Variants in IMMT observed in about 807,000 individuals in gnomAD.
IMMT encodes the protein inner membrane mitochondrial protein, also known as MICOS complex subunit MIC60.
IMMT carries 40 observed loss-of-function variants against 92.7 expected under a neutral mutation model. That is an observed-to-expected ratio of 0.43 (90% CI 0.34 to 0.56). The LOEUF is 0.56. IMMT is among the 20% of genes least tolerant of loss of function. The pLI is 0.03. For missense variants in IMMT, 831 were observed against 912.1 expected (o/e 0.91, Z 1.14); for synonymous variants, 322 against 336.1 (o/e 0.96, Z 0.46).
rs56964046 is a variant in IMMT at position 86,164,689 on chromosome 2, C to CAAAAAAAAAAAAAAAAAA, written c.792+1818_792+1819insTTTTTTTTTTTTTTTTTT. On this transcript the variant is annotated intron_variant, in intron 7 of 14. Transcript: ENST00000410111. ...CTGGTGACAGAGCAAGACTCTGTCT[C>CAAAAAAAAAAAAAAAAAA]AAAAAAAAAAAAAAAGGAATGGATG... Among the ~76,000 whole-genome samples, 41 of 111,396 alleles carry CAAAAAAAAAAAAAAAAAA rather than the reference C, an allele frequency of 3.7e-4. 4 individuals carry two copies. Among genetic ancestry groups the CAAAAAAAAAAAAAAAAAA allele is most frequent in the African/African-American group, 1.5e-3 (40 of 27,424 alleles). 73.1% of individuals were successfully genotyped at this position (111,396 alleles called of 152,430 possible). A position where few individuals can be genotyped will look rare whatever the true frequency, so the allele number is the denominator to read the frequency against.
chr2:86,153,529 A>G (rs1340913354), intron 11 of IMMT, 31 bp downstream of exon 11: 2 of 1,357,294 alleles, frequency 1.5e-6, no homozygotes, highest in Non-Finnish European at 2.0e-6. Context: ...AAAACAAAAG[A>G]CTTTAAACAT....
chr2:86,158,864 C>G (rs1208916314), intron 9 of IMMT, 143 bp from the exon 10 acceptor site: 1 of 701,488 alleles, frequency 1.4e-6, no homozygotes, highest in Admixed American at 2.8e-5. Flanking sequence ...AGAATATAAG[C>G]CTTATTTGTT....
chr2:86,179,114 C>G (rs559742765), intron 3 of IMMT, among the ~76,000 whole-genome samples: 3 of 152,272 alleles, frequency 2.0e-5, no homozygotes, highest in African/African-American at 4.8e-5. Context: ...CTGTACTAAA[C>G]ATGGACAGAC....
chr2:86,166,748 A>G, intron 6 of IMMT, 104 bp from the exon 7 acceptor site: 1 of 1,137,098 alleles, frequency 8.8e-7, no homozygotes, highest in Non-Finnish European at 1.2e-6. Context: ...TTCCCAAAAA[A>G]TTTAAAAAGG....
intron 6 of IMMT, among the ~76,000 whole-genome samples, chr2:86,168,590 T>C (rs139923056): frequency 9.2e-5 from 14 of 152,214 alleles, no homozygotes; most frequent in African/African-American, 3.4e-4. Context: ...ACCACTGCAC[T>C]CCAGCCTAGG....
chr2:86,160,167 A>G (rs1285640442), intron 8 of IMMT: 1 of 152,536 alleles, frequency 6.6e-6, no homozygotes, highest in Non-Finnish European at 1.5e-5. Flanking sequence ...CCAGAGAGGT[A>G]GCATGGTATA....
rs141026064 is a variant in IMMT at position 86,175,833 on chromosome 2, G to A, written c.310-2072C>T. Among the ~76,000 whole-genome samples, 468 of 152,102 alleles carry A rather than the reference G, an allele frequency of 3.1e-3. 1 individual carries two copies. Among genetic ancestry groups the A allele is most frequent in the African/African-American group, 0.01 (434 of 41,470 alleles). ...CAGCCCCTGAAGAGAACATTAATAA[G>A]CGAAGGAAAGGAAGTCATTCTGGGT... is the stretch of plus-strand genomic sequence containing the variant. On this transcript the variant is annotated intron_variant, in intron 3 of 14. Transcript: ENST00000410111.
At position 86,195,359 on chromosome 2, in the gene IMMT, C is replaced by T; in HGVS notation, c.24G>A (p.Ser8=). MLRACQL[S]GVTAAAQSCL... is the part of the protein sequence containing the mutation. ...TCACCTGGGCGGCGGCGGTCACACC[C>T]GATAACTGACAGGCCCGCAGCATCT... Residue 8 remains serine, a synonymous_variant, in exon 1 of 15, where the codon TCG becomes TCA. Coordinates refer to ENST00000410111, the MANE Select transcript of IMMT (RefSeq NM_006839.3). The T allele has an allele frequency of 6.5e-7, 1 of 1,550,132 alleles. No individual in the cohort carries two copies. The highest frequency in any genetic ancestry group is 2.0e-5 in the Admixed American group (1 of 51,146).
chr2:86,161,512 CT>C (rs35243118), intron 8 of IMMT, among the ~76,000 whole-genome samples: 31,854 of 108,180 alleles, frequency 0.29, 3,644 homozygotes, highest in Non-Finnish European at 0.41. Flanking sequence ...GTACAAATTC[CT>C]TTTTTTTTTT....
At chr2:86,146,221 C>T (rs1449876239) in intron 13 of IMMT, 24 bp from the exon 14 acceptor site, 1 of 1,587,298 alleles carries the variant, frequency 6.3e-7, no homozygotes, top group Non-Finnish European at 8.6e-7. Flanking sequence ...GAAATAGTTC[C>T]AGAAAAAAGT....
chr2:86,169,066 A>G (rs1160550882), intron 6 of IMMT, among the ~76,000 whole-genome samples: 1 of 152,230 alleles, frequency 6.6e-6, no homozygotes, highest in Non-Finnish European at 1.5e-5. Context: ...GCAAATGCAT[A>G]TGTGTATATT....
At chr2:86,146,004 A>G (rs1674974233) in intron 14 of IMMT, 64 bp downstream of exon 14, 1 of 1,307,052 alleles carries the variant, frequency 7.7e-7, no homozygotes, top group Non-Finnish European at 1.0e-6. Context: ...TTTTCCCTAT[A>G]AAATTATTTT....
At chr2:86,171,860 A>ATT (rs375045380) in intron 4 of IMMT, among the ~76,000 whole-genome samples, 363 of 112,516 alleles carry the variant, frequency 3.2e-3, no homozygotes, top group African/African-American at 9.8e-3. Flanking sequence ...ATATATATAT[A>ATT]TATTTTTTGC....
In IMMT at chr2:86,145,687, T is replaced by C. The variant is rs556486345; in HGVS notation, c.1663+381A>G. On this transcript the variant is annotated intron_variant, in intron 14 of 14. Transcript: ENST00000410111. ...GACATTTCTCTTTCAATGTGGCACA[T>C]GGAGGCCTCAGCATAAATACTGTCC... Among the ~76,000 whole-genome samples, 38 of 152,132 alleles carry C rather than the reference T, an allele frequency of 2.5e-4. 1 individual carries two copies. Among genetic ancestry groups the C allele is most frequent in the African/African-American group, 9.2e-4 (38 of 41,520 alleles).
Position 86,175,660 on chromosome 2 carries a change from T to C in IMMT, c.310-1899A>G, listed in dbSNP as rs553915882. ...CATGTTGCCACTAAAAAGGTTACTA[T>C]GAAATAAAATGCACAGCAACAAGTT... On this transcript the variant is annotated intron_variant, in intron 3 of 14. Coordinates refer to ENST00000410111, the MANE Select transcript of IMMT (RefSeq NM_006839.3). Among the ~76,000 whole-genome samples the C allele has an allele frequency of 3.5e-3, 528 of 150,216 alleles. 4 individuals are homozygous for C. The highest frequency in any genetic ancestry group is 6.8e-3 in the Middle Eastern group (2 of 294).
At chr2:86,191,633 G>A (rs1212332384) in intron 1 of IMMT, among the ~76,000 whole-genome samples, 1 of 152,156 alleles carries the variant, frequency 6.6e-6, no homozygotes, top group Non-Finnish European at 1.5e-5. Flanking sequence ...GCCAGGCGCG[G>A]TGGCTCACGC....
intron 8 of IMMT, among the ~76,000 whole-genome samples, chr2:86,160,884 CATCT>C (rs1295479270): frequency 1.1e-4 from 17 of 152,208 alleles, no homozygotes; most frequent in Non-Finnish European, 1.5e-5. Context: ...AATCTCAGTA[CATCT>C]GTAGAGATAC....
intron 14 of IMMT, 71 bp from the exon 15 acceptor site, chr2:86,144,952 C>G: frequency 2.7e-6 from 4 of 1,487,272 alleles, no homozygotes; most frequent in Non-Finnish European, 2.7e-6. Context: ...AGAACTGATG[C>G]ACATTCAACA....
intron 4 of IMMT, among the ~76,000 whole-genome samples, chr2:86,172,486 G>A (rs929532855): frequency 2.6e-5 from 4 of 151,924 alleles, no homozygotes; most frequent in East Asian, 1.9e-4. Flanking sequence ...GGCATGCACC[G>A]CCATCCCCAG....
Sources: gnomAD v4.1 joint callset for allele counts (sites outside exome capture counted in the v4.1 genomes callset) on GRCh38, gnomAD v4.1.1 for gene constraint, MANE v1.5 for transcripts, NCBI Gene and HGNC (gene_info 2026-07-23, HGNC 2026-07-21) for gene names.